The following CNN3 variants were observed in gnomAD, a reference collection of about 807,000 sequenced individuals.
The protein encoded by CNN3 is calponin-3.
Under a neutral mutation model 39.0 loss-of-function variants are expected in CNN3, and 11 were observed. That is an observed-to-expected ratio of 0.28 (90% confidence interval 0.18 to 0.47). CNN3 has a LOEUF of 0.47. Ranked by LOEUF, CNN3 falls within the 20% of genes least tolerant of loss-of-function variation. The probability of loss-of-function intolerance (pLI) is 0.99; values close to 1 mark genes in which losing one functional copy is unlikely to be tolerated. For missense variants in CNN3, 266 were observed against 403.4 expected (o/e 0.66, Z 2.92); for synonymous variants, 101 against 138.3 (o/e 0.73, Z 1.89).
At chr1:94,921,983 C>T (rs935996083) in intron 1 of CNN3, among the ~76,000 whole-genome samples, 2 of 152,198 alleles carry the variant, frequency 1.3e-5, no homozygotes, top group Non-Finnish European at 2.9e-5. Context: ...CTGGACAAAT[C>T]CTTGCAGAGG....
chr1:94,924,753 A>G (rs1460288312), intron 1 of CNN3, among the ~76,000 whole-genome samples: 1 of 152,222 alleles, frequency 6.6e-6, no homozygotes, highest in African/African-American at 2.4e-5. Flanking sequence ...AACTTCTGTG[A>G]CCTTGAGCAA....
chr1:94,924,153 G>A (rs923177224), intron 1 of CNN3: 1 of 152,206 alleles, frequency 6.6e-6, no homozygotes, highest in African/African-American at 2.4e-5. Context: ...ACCACGCAAT[G>A]TCACTTTTGT....
At chr1:94,901,848 G>T in intron 4 of CNN3, 63 bp from the exon 5 acceptor site, 1 of 1,178,688 alleles carries the variant, frequency 8.5e-7, no homozygotes, top group Non-Finnish European at 1.3e-6. Context: ...GAACAACAAA[G>T]AAATGATATG....
rs374964311 is a variant in CNN3, at chr1:94,899,432, T to C, written c.587A>G (p.Asp196Gly). Residue 196 changes from aspartate (D) to glycine (G), a missense_variant, in exon 6 of 7, where the codon GAC (aspartate) becomes GGC (glycine). By Grantham distance (94) the Asp-to-Gly change is moderately conservative. Transcript: ENST00000370206. ...RHLYDPKMQTDKPFDQTTISL... is the reference protein window; with the variant it reads ...RHLYDPKMQTGKPFDQTTISL... ...AATTGTGGTCTGGTCAAAAGGTTTG[T>C]CAGTTTGCATTTTGGGATCATAAAG... 7 of 1,613,996 alleles carry C rather than the reference T, an allele frequency of 4.3e-6. No individual in the cohort carries two copies. In the African/African-American group the frequency reaches 5.3e-5, roughly 12 times the overall value.
intron 1 of CNN3, among the ~76,000 whole-genome samples, chr1:94,924,968 T>C (rs144145076): frequency 1.7e-3 from 260 of 152,320 alleles, no homozygotes; most frequent in African/African-American, 6.0e-3. Context: ...CATAACTAAC[T>C]TTCCAAAGGT....
intron 1 of CNN3, among the ~76,000 whole-genome samples, chr1:94,918,225 G>T (rs1323756229): frequency 6.6e-6 from 1 of 152,158 alleles, no homozygotes; most frequent in East Asian, 1.9e-4. Flanking sequence ...GGGCACAGTG[G>T]CTCATGCCTG....
chr1:94,925,936 G>A, intron 1 of CNN3: 1 of 523,550 alleles, frequency 1.9e-6, no homozygotes, highest in Non-Finnish European at 2.4e-6. Context: ...GGAAGGAGAG[G>A]ATTTGGGGAG....
chr1:94,927,046 T>C lies in CNN3; in HGVS notation c.-152A>G. 1 of 765,746 alleles carries C rather than the reference T, an allele frequency of 1.3e-6. No individual in the cohort carries two copies. The highest frequency in any genetic ancestry group is 2.1e-6 in the Non-Finnish European group (1 of 484,994). 47.4% of individuals were successfully genotyped at this position (765,746 alleles called of 1,614,324 possible). ...GGAGACGGCCGCGGGGCGCGGGCGGTGCCTGGGCGACTGGGTCCAACTGGG... is the reference window on the plus strand; with the variant it reads ...GGAGACGGCCGCGGGGCGCGGGCGGCGCCTGGGCGACTGGGTCCAACTGGG... On this transcript the variant is annotated 5_prime_UTR_variant, in exon 1 of 7. Transcript: ENST00000370206.
intron 1 of CNN3, among the ~76,000 whole-genome samples, 155 bp from the exon 2 acceptor site, chr1:94,903,679 C>CTG (rs1486930987): frequency 6.6e-6 from 1 of 151,682 alleles, no homozygotes; most frequent in East Asian, 1.9e-4. Flanking sequence ...TTAACCGTTA[C>CTG]AACTTCAGTA....
At chr1:94,915,867 G>A (rs80118674) in intron 1 of CNN3, among the ~76,000 whole-genome samples, 10,364 of 152,046 alleles carry the variant, frequency 0.068, 388 homozygotes, top group Non-Finnish European at 0.089. Context: ...CCCTATTTCA[G>A]ATGAAAAGAG....
intron 1 of CNN3, among the ~76,000 whole-genome samples, chr1:94,915,055 A>G (rs1265662407): frequency 6.6e-6 from 1 of 152,070 alleles, no homozygotes; most frequent in African/African-American, 2.4e-5. Flanking sequence ...ACCTTTTTAA[A>G]AATGTTTTGT....
chr1:94,923,749 C>A (rs183056162), intron 1 of CNN3, among the ~76,000 whole-genome samples: 4 of 152,256 alleles, frequency 2.6e-5, no homozygotes, highest in Admixed American at 2.6e-4. Context: ...GAGGCAGGGA[C>A]ATACAAATCT....
intron 2 of CNN3, 54 bp downstream of exon 2, chr1:94,903,349 G>C: frequency 1.3e-6 from 2 of 1,547,728 alleles, no homozygotes; most frequent in East Asian, 2.3e-5. Context: ...TGAGAGAGAA[G>C]GCTGTGGAAA....
chr1:94,912,619 A>G (rs907944661), intron 1 of CNN3, among the ~76,000 whole-genome samples: 17 of 152,228 alleles, frequency 1.1e-4, no homozygotes, highest in Non-Finnish European at 1.5e-5. Flanking sequence ...TGTTCATCTT[A>G]GTAATCCTCA....
intron 1 of CNN3, among the ~76,000 whole-genome samples, chr1:94,909,316 T>C (rs952555385): frequency 6.6e-6 from 1 of 152,180 alleles, no homozygotes; most frequent in Admixed American, 6.5e-5. Context: ...AGCTCAACTC[T>C]ACCCAACAAA....
Position 94,926,548 on chromosome 1 carries a change from C to G in CNN3, c.57+290G>C, listed in dbSNP as rs920098710. On this transcript the variant is annotated intron_variant, in intron 1 of 6. Transcript: ENST00000370206. This position sits in a 1 kb window ranked among gnomAD's most constrained non-coding sequence, Gnocchi z 4.2. ...GTCACCAAACGGCCCCCGAGACCCC[C>G]GCAGCCGGAAAGGCTGGCGCCGCGG... Among the ~76,000 whole-genome samples the G allele has an allele frequency of 6.6e-6, 1 of 152,158 alleles. No homozygotes were observed. Among genetic ancestry groups the G allele is most frequent in the African/African-American group, 2.4e-5 (1 of 41,454 alleles).
chr1:94,904,706 C>G (rs1419081212), intron 1 of CNN3, among the ~76,000 whole-genome samples: 1 of 151,946 alleles, frequency 6.6e-6, no homozygotes, highest in African/African-American at 2.4e-5. Context: ...ATGATCACAC[C>G]ACTGCACTCC....
At chr1:94,899,242 C>A in intron 6 of CNN3, 129 bp downstream of exon 6, 1 of 992,262 alleles carries the variant, frequency 1.0e-6, no homozygotes, top group Non-Finnish European at 1.4e-6. Flanking sequence ...TTTTGCTTTC[C>A]CAGCAAAGTC....
chr1:94,926,569 C>T lies in CNN3; in HGVS notation c.57+269G>A, dbSNP rs538426955. Among the ~76,000 whole-genome samples, 2 of 152,278 alleles carry T rather than the reference C, an allele frequency of 1.3e-5. No homozygotes were observed. The highest frequency in any genetic ancestry group is 2.4e-5 in the African/African-American group (1 of 41,574). On this transcript the variant is annotated intron_variant, in intron 1 of 6. Transcript: ENST00000370206. The surrounding 1 kb of genome is among the most constrained non-coding windows in gnomAD (Gnocchi z 4.2). ...CCCCCGCAGCCGGAAAGGCTGGCGC[C>T]GCGGGACTCCAGGCGCCCGGGAACC...
Sources: allele counts gnomAD v4.1 joint callset (sites outside exome capture counted in the v4.1 genomes callset), GRCh38; gene constraint gnomAD v4.1.1; non-coding constraint Gnocchi (gnomAD v3.1); transcripts MANE v1.5; gene names NCBI Gene and HGNC (gene_info 2026-07-23, HGNC 2026-07-21).